Variants in MBD5 observed in about 807,000 individuals in gnomAD.
MBD5 encodes the protein methyl-CpG binding domain protein 5, also known as methyl-CpG-binding domain protein 5.
MBD5 carries 13 observed loss-of-function variants against 117.3 expected under a neutral mutation model. The ratio of observed to expected loss-of-function variants is 0.11; its 90% CI spans 0.07 to 0.18. MBD5 has a LOEUF of 0.18. Among genes scored for constraint, MBD5 ranks in the 10% least tolerant of loss-of-function variants. The probability of loss-of-function intolerance (pLI) is 1.00; values close to 1 mark genes in which losing one functional copy is unlikely to be tolerated. For synonymous variants in MBD5, 727 were observed against 766.4 expected (o/e 0.95, Z 0.85); for missense variants, 1,879 against 2,093.8 (o/e 0.90, Z 2.00).
intron 1 of MBD5, among the ~76,000 whole-genome samples, chr2:148,116,060 T>C (rs1018434613): frequency 2.0e-5 from 3 of 151,922 alleles, no homozygotes; most frequent in African/African-American, 7.3e-5. Flanking sequence ...ACCAGGCTGG[T>C]CTCAAACTCC....
chr2:148,182,890 C>T (rs1019091975), intron 2 of MBD5, among the ~76,000 whole-genome samples: 1 of 152,118 alleles, frequency 6.6e-6, no homozygotes. Flanking sequence ...TAATGGGCAC[C>T]CCGCTTTTGG....
chr2:148,401,617 G>A (rs1307243992), intron 4 of MBD5, among the ~76,000 whole-genome samples: 1 of 152,070 alleles, frequency 6.6e-6, no homozygotes, highest in East Asian at 1.9e-4. Flanking sequence ...TAGAGTTCAG[G>A]AAGAGTTGCA....
intron 12 of MBD5, among the ~76,000 whole-genome samples, chr2:148,503,275 ATTAG>A (rs1256148269): frequency 6.6e-6 from 1 of 152,202 alleles, no homozygotes; most frequent in African/African-American, 2.4e-5. Flanking sequence ...AAAATTATAT[ATTAG>A]TTAATTTTTA....
At chr2:148,023,169 A>G (rs754908603) in intron 1 of MBD5, among the ~76,000 whole-genome samples, 1 of 151,834 alleles carries the variant, frequency 6.6e-6, no homozygotes, top group Non-Finnish European at 1.5e-5. Context: ...TAAAGCAGCA[A>G]TTTTGTGATC....
At chr2:148,040,558 A>G (rs115170499) in intron 1 of MBD5, among the ~76,000 whole-genome samples, 2,290 of 152,308 alleles carry the variant, frequency 0.015, 27 homozygotes, top group Middle Eastern at 0.044. Flanking sequence ...ATAAGGCAAA[A>G]TAAATAATTG....
intron 4 of MBD5, among the ~76,000 whole-genome samples, chr2:148,403,127 ATCTC>A (rs766094816): frequency 9.2e-5 from 14 of 151,618 alleles, no homozygotes; most frequent in Admixed American, 2.0e-4. Context: ...TAGCTTTTAT[ATCTC>A]TCTATCTTTT....
intron 4 of MBD5, among the ~76,000 whole-genome samples, chr2:148,433,048 A>T (rs11884622): frequency 0.25 from 38,183 of 151,756 alleles, 5,648 homozygotes; most frequent in African/African-American, 0.41. Context: ...TTTTGAGCAG[A>T]GTTTTGTAAT....
intron 1 of MBD5, among the ~76,000 whole-genome samples, chr2:148,116,793 A>G (rs1696651430): frequency 6.6e-6 from 1 of 152,152 alleles, no homozygotes; most frequent in African/African-American, 2.4e-5. Flanking sequence ...TTCTACTTTT[A>G]TATCCAGTAT....
chr2:148,223,543 C>T (rs936760295), intron 2 of MBD5, among the ~76,000 whole-genome samples: 3 of 152,118 alleles, frequency 2.0e-5, no homozygotes, highest in Non-Finnish European at 4.4e-5. Context: ...AATTTATTGG[C>T]ATATGGTTTC....
chr2:148,168,611 G>A (rs778376825), intron 1 of MBD5, among the ~76,000 whole-genome samples: 7 of 152,100 alleles, frequency 4.6e-5, no homozygotes, highest in Non-Finnish European at 1.0e-4. Flanking sequence ...GGACATGGTG[G>A]TACACACCTG....
intron 1 of MBD5, among the ~76,000 whole-genome samples, chr2:148,136,788 G>C (rs1473195182): frequency 6.6e-6 from 1 of 151,184 alleles, no homozygotes; most frequent in Admixed American, 6.6e-5. Flanking sequence ...TTGAGACAGA[G>C]TTTCACTCTT....
intron 11 of MBD5, among the ~76,000 whole-genome samples, chr2:148,500,793 C>A (rs1434449045): frequency 2.0e-5 from 3 of 152,146 alleles, no homozygotes; most frequent in Admixed American, 6.5e-5. Flanking sequence ...TAAGTGGAAT[C>A]ATTTATTGAT....
chr2:148,196,304 G>A (rs1484836097), intron 2 of MBD5: 1 of 151,852 alleles, frequency 6.6e-6, no homozygotes, highest in African/African-American at 2.4e-5. Context: ...TTTCCACTAC[G>A]GTTTCATTTA....
At position 148,435,972 on chromosome 2, in the gene MBD5, T is replaced by C. The variant is rs143231946; in HGVS notation, c.-556-22231T>C. On this transcript the variant is annotated intron_variant, in intron 4 of 13. Coordinates refer to ENST00000642680, the MANE Select transcript of MBD5 (RefSeq NM_001378120.1). ...GTCCTCTGTAGTTCAAATCAGAATATGTTCTTCAAGTAAACGAAGGCAAAT... is the reference window on the plus strand; with the variant it reads ...GTCCTCTGTAGTTCAAATCAGAATACGTTCTTCAAGTAAACGAAGGCAAAT... 4.8e-4 allele frequency among the ~76,000 whole-genome samples: 73 copies of C among 152,358 alleles called. 1 individual carries two copies. In the East Asian group the frequency reaches 0.013, roughly 28 times the overall value.
At chr2:148,256,176 G>A (rs1700585902) in intron 3 of MBD5, among the ~76,000 whole-genome samples, 1 of 152,214 alleles carries the variant, frequency 6.6e-6, no homozygotes, top group Admixed American at 6.5e-5. Flanking sequence ...GCATGCCTGA[G>A]CACATGCCAG....
chr2:148,077,574 T>G (rs1430888264), intron 1 of MBD5, among the ~76,000 whole-genome samples: 8 of 152,176 alleles, frequency 5.3e-5, no homozygotes, highest in Non-Finnish European at 7.4e-5. Flanking sequence ...AGTAAGAGAC[T>G]GTGGTTCAAA....
intron 1 of MBD5, among the ~76,000 whole-genome samples, chr2:148,136,086 TG>T (rs896744468): frequency 2.6e-5 from 4 of 151,804 alleles, no homozygotes; most frequent in African/African-American, 7.3e-5. Context: ...TAGTGGGGGG[TG>T]GTGGGTGTCA....
At chr2:148,394,456 T>C (rs548217994) in intron 4 of MBD5, among the ~76,000 whole-genome samples, 1 of 152,100 alleles carries the variant, frequency 6.6e-6, no homozygotes, top group South Asian at 2.1e-4. Flanking sequence ...TCAAATATTT[T>C]AGTATATAAT....
Position 148,105,625 on chromosome 2 carries a change from A to G in MBD5, c.-924-73075A>G, listed in dbSNP as rs574811334. On this transcript the variant is annotated intron_variant, in intron 1 of 13. Coordinates refer to ENST00000642680, the MANE Select transcript of MBD5 (RefSeq NM_001378120.1). Reference sequence around the variant, plus strand: ...TCCAAAAGTTTGTCAGTTTTTTAAGACTTTTTTCAGGGCCCGCTTTTAGCT... The same window carrying G: ...TCCAAAAGTTTGTCAGTTTTTTAAGGCTTTTTTCAGGGCCCGCTTTTAGCT... 3.9e-4 allele frequency among the ~76,000 whole-genome samples: 59 copies of G among 151,754 alleles called. 1 individual carries two copies. The East Asian group carries it at 7.0e-3, about 18-fold the overall frequency.
Sources: gnomAD v4.1 joint callset for allele counts (sites outside exome capture counted in the v4.1 genomes callset) on GRCh38, gnomAD v4.1.1 for gene constraint, MANE v1.5 for transcripts, NCBI Gene and HGNC (gene_info 2026-07-23, HGNC 2026-07-21) for gene names.